Variants in RSRC1 observed in about 807,000 individuals in gnomAD.
RSRC1 encodes the protein serine/Arginine-related protein 53.
A neutral mutation model predicts 49.1 loss-of-function variants in RSRC1; 39 were observed. The ratio of observed to expected loss-of-function variants is 0.79; its 90% CI spans 0.61 to 1.04. The LOEUF is 1.04. RSRC1 is among the 50% of genes least tolerant of loss of function. The pLI is 0.00. For missense variants in RSRC1, 388 were observed against 402.4 expected (o/e 0.96, Z 0.31); for synonymous variants, 143 against 130.8 (o/e 1.09, Z -0.63).
At chr3:158,178,812 G>T (rs1719416561) in intron 3 of RSRC1, among the ~76,000 whole-genome samples, 1 of 152,054 alleles carries the variant, frequency 6.6e-6, no homozygotes, top group Non-Finnish European at 1.5e-5. Flanking sequence ...GTTTGCTTCT[G>T]TTTGTTTCAG....
intron 3 of RSRC1, among the ~76,000 whole-genome samples, chr3:158,198,682 G>A (rs1290079679): frequency 2.6e-5 from 4 of 151,934 alleles, no homozygotes; most frequent in Admixed American, 2.6e-4. Context: ...TGCACCCACT[G>A]TCCGACACTC....
chr3:158,177,589 A>G (rs1719305193), intron 3 of RSRC1, among the ~76,000 whole-genome samples: 1 of 151,866 alleles, frequency 6.6e-6, no homozygotes, highest in Admixed American at 6.6e-5. Flanking sequence ...GGAATTGAAC[A>G]ATGAGAACAC....
At chr3:158,237,458 C>G (rs931555048) in intron 4 of RSRC1, among the ~76,000 whole-genome samples, 1 of 152,192 alleles carries the variant, frequency 6.6e-6, no homozygotes, top group Non-Finnish European at 1.5e-5. Context: ...CATGTTCCAG[C>G]AAAAAGTTTC....
At chr3:158,373,892 A>G (rs1732215023) in intron 6 of RSRC1, among the ~76,000 whole-genome samples, 1 of 152,080 alleles carries the variant, frequency 6.6e-6, no homozygotes, top group African/African-American at 2.4e-5. Context: ...GTTAAAAGTA[A>G]GTGTGGCTTT....
chr3:158,489,443 A>G (rs1043763788), intron 7 of RSRC1, among the ~76,000 whole-genome samples: 2 of 152,230 alleles, frequency 1.3e-5, no homozygotes, highest in African/African-American at 2.4e-5. Context: ...GGCATTAGCT[A>G]TGATCTTTGT....
chr3:158,215,210 G>A (rs1465212365), intron 4 of RSRC1, among the ~76,000 whole-genome samples: 2 of 150,932 alleles, frequency 1.3e-5, no homozygotes, highest in Admixed American at 6.6e-5. Flanking sequence ...ATTGGTGTTG[G>A]CCTGGTATAT....
chr3:158,111,912 T>G (rs1714437122), intron 1 of RSRC1, among the ~76,000 whole-genome samples: 1 of 152,248 alleles, frequency 6.6e-6, no homozygotes, highest in Admixed American at 6.5e-5. Flanking sequence ...AGTTCTCTTT[T>G]CTTGAATGAC....
chr3:158,410,454 A>G (rs374301164), intron 6 of RSRC1, among the ~76,000 whole-genome samples: 11 of 152,320 alleles, frequency 7.2e-5, no homozygotes, highest in African/African-American at 2.2e-4. Context: ...AACTTCTTTC[A>G]TAGTAATCAA....
At chr3:158,512,723 G>A (rs1051128715) in intron 7 of RSRC1, among the ~76,000 whole-genome samples, 7 of 150,578 alleles carry the variant, frequency 4.6e-5, no homozygotes, top group South Asian at 2.1e-4. Context: ...CCATTTTCAC[G>A]ATATTGATTC....
At chr3:158,372,885 C>A (rs1271742860) in intron 6 of RSRC1, among the ~76,000 whole-genome samples, 1 of 151,698 alleles carries the variant, frequency 6.6e-6, no homozygotes, top group African/African-American at 2.4e-5. Context: ...AGAGATTTGT[C>A]GTTTCCAGCA....
At chr3:158,205,907 A>T (rs1418376460) in intron 4 of RSRC1, among the ~76,000 whole-genome samples, 1 of 152,180 alleles carries the variant, frequency 6.6e-6, no homozygotes, top group Non-Finnish European at 1.5e-5. Flanking sequence ...CCTGGGCTGC[A>T]TGTGGCCCAC....
Position 158,545,598 on chromosome 3 carries a change from A to G in RSRC1, c.*1323A>G, listed in dbSNP as rs1013499936. 6.6e-6 allele frequency: 1 copy of G among 152,214 alleles called. No individual in the cohort carries two copies. Among genetic ancestry groups the G allele is most frequent in the Non-Finnish European group, 1.5e-5 (1 of 68,032 alleles). The allele number at this position is 152,214 out of a possible 1,614,324, so 9.4% of individuals were successfully genotyped here. On this transcript the variant is annotated 3_prime_UTR_variant, in exon 10 of 10. Coordinates refer to ENST00000611884, the MANE Select transcript of RSRC1 (RefSeq NM_001271838.2). ...AATCTCTGTTGAAAATGAAAAATGT[A>G]AAACTTAGTTGCAAACAGTATAGAA...
At chr3:158,272,533 C>T (rs540411752) in intron 4 of RSRC1, among the ~76,000 whole-genome samples, 3 of 151,706 alleles carry the variant, frequency 2.0e-5, no homozygotes, top group East Asian at 3.9e-4. Context: ...GGAGTTTATT[C>T]TTTGTGTAGA....
intron 1 of RSRC1, among the ~76,000 whole-genome samples, chr3:158,119,987 C>A (rs896334850): frequency 5.9e-5 from 9 of 152,112 alleles, no homozygotes; most frequent in African/African-American, 1.9e-4. Flanking sequence ...CATGCCACCA[C>A]GCCCAGCTAC....
At chr3:158,503,644 C>T (rs1739714935) in intron 7 of RSRC1, among the ~76,000 whole-genome samples, 1 of 152,110 alleles carries the variant, frequency 6.6e-6, no homozygotes, top group Non-Finnish European at 1.5e-5. Flanking sequence ...TCTGCTGAGT[C>T]ATGCAGGTTG....
At chr3:158,427,780 G>A (rs1444705781) in intron 6 of RSRC1, among the ~76,000 whole-genome samples, 1 of 151,504 alleles carries the variant, frequency 6.6e-6, no homozygotes, top group Non-Finnish European at 1.5e-5. Context: ...ATTTGTTACA[G>A]AATTTTAGAT....
At chr3:158,419,494 G>A (rs552261460) in intron 6 of RSRC1, among the ~76,000 whole-genome samples, 1 of 152,074 alleles carries the variant, frequency 6.6e-6, no homozygotes, top group Non-Finnish European at 1.5e-5. Flanking sequence ...GCCCTGAGTT[G>A]TAATGTTGAT....
At chr3:158,363,702 C>G (rs560113157) in intron 6 of RSRC1, among the ~76,000 whole-genome samples, 99 of 152,236 alleles carry the variant, frequency 6.5e-4, no homozygotes, top group Admixed American at 1.4e-3. Flanking sequence ...AATTTCTATC[C>G]TCAAGTAAGC....
intron 8 of RSRC1, among the ~76,000 whole-genome samples, chr3:158,540,410 G>T (rs184617779): frequency 6.6e-6 from 1 of 152,198 alleles, no homozygotes; most frequent in Admixed American, 6.5e-5. Flanking sequence ...ATAATTTATA[G>T]ATTTCTCTTA....
Sources: gnomAD v4.1 joint callset for allele counts (sites outside exome capture counted in the v4.1 genomes callset) on GRCh38, gnomAD v4.1.1 for gene constraint, MANE v1.5 for transcripts, NCBI Gene and HGNC (gene_info 2026-07-23, HGNC 2026-07-21) for gene names.